The following HMBOX1 variants were observed in gnomAD, a reference collection of about 807,000 sequenced individuals.
HMBOX1 encodes homeobox-containing protein 1.
HMBOX1 carries 14 observed loss-of-function variants against 54.5 expected under a neutral mutation model. That is an observed-to-expected ratio of 0.26 (90% CI 0.17 to 0.40). HMBOX1 has a LOEUF of 0.40. HMBOX1 is among the 10% of genes least tolerant of loss of function. HMBOX1 has a pLI of 1.00. For missense variants in HMBOX1, 332 were observed against 514.4 expected (o/e 0.65, Z 3.43); for synonymous variants, 160 against 181.0 (o/e 0.88, Z 0.93).
chr8:28,987,168 C>T (rs1830286321), intron 4 of HMBOX1, among the ~76,000 whole-genome samples: 1 of 152,092 alleles, frequency 6.6e-6, no homozygotes, highest in African/African-American at 2.4e-5. Context: ...TGATATCCTA[C>T]CACAAGCCCT....
At chr8:28,926,155 A>C (rs1454495021) in intron 1 of HMBOX1, among the ~76,000 whole-genome samples, 10 of 152,074 alleles carry the variant, frequency 6.6e-5, no homozygotes, top group Admixed American at 6.6e-4. Context: ...TGCAAAAACT[A>C]GCCGGGCATG....
intron 1 of HMBOX1, among the ~76,000 whole-genome samples, chr8:28,896,563 AATG>A (rs1812160582): frequency 6.7e-6 from 1 of 149,148 alleles, no homozygotes; most frequent in African/African-American, 2.4e-5. Context: ...TGTAGTACAT[AATG>A]ATGTTTCAGT....
chr8:28,924,130 G>A lies in HMBOX1; in HGVS notation c.-58+33452G>A, dbSNP rs550414666. ...TTTTTTGGTTTTTTTTTTTTGAGAT[G>A]GAGTCTAGCTCTGTCGCCCAGGCTG... is the stretch of plus-strand genomic sequence containing the variant. On this transcript the variant is annotated intron_variant, in intron 1 of 9. Coordinates refer to ENST00000287701, the MANE Select transcript of HMBOX1 (RefSeq NM_001135726.3). 1.1e-4 allele frequency among the ~76,000 whole-genome samples: 16 copies of A among 144,122 alleles called. No individual in the cohort carries two copies. In the South Asian group the frequency reaches 3.1e-3, roughly 28 times the overall value. 94.5% of individuals were successfully genotyped at this position (144,122 alleles called of 152,430 possible).
chr8:29,021,384 C>T (rs1801131200), intron 6 of HMBOX1, among the ~76,000 whole-genome samples: 1 of 151,290 alleles, frequency 6.6e-6, no homozygotes, highest in African/African-American at 2.4e-5. Flanking sequence ...AATATGATTA[C>T]ATAAATTAAA....
chr8:28,958,780 T>G (rs755277115), intron 1 of HMBOX1, among the ~76,000 whole-genome samples: 9 of 152,206 alleles, frequency 5.9e-5, no homozygotes, highest in Non-Finnish European at 1.3e-4. Flanking sequence ...TTTACCAGAG[T>G]GTTTTTTTCT....
At chr8:29,048,126 C>A (rs780440697) in intron 8 of HMBOX1, among the ~76,000 whole-genome samples, 3 of 151,958 alleles carry the variant, frequency 2.0e-5, no homozygotes, top group African/African-American at 7.3e-5. Context: ...TATTACTGGA[C>A]TATGACTTAA....
intron 4 of HMBOX1, among the ~76,000 whole-genome samples, chr8:28,983,726 G>T (rs941559113): frequency 6.6e-6 from 1 of 152,178 alleles, no homozygotes; most frequent in Non-Finnish European, 1.5e-5. Context: ...AATTTGTCCA[G>T]TGTGACTTTC....
chr8:29,042,902 A>G (rs1186040549), intron 6 of HMBOX1, among the ~76,000 whole-genome samples: 1 of 152,220 alleles, frequency 6.6e-6, no homozygotes, highest in Non-Finnish European at 1.5e-5. Context: ...GATAATAAAG[A>G]AAGTGAAGAA....
intron 1 of HMBOX1, among the ~76,000 whole-genome samples, chr8:28,935,042 T>C (rs1190018265): frequency 6.6e-6 from 1 of 151,770 alleles, no homozygotes; most frequent in East Asian, 1.9e-4. Flanking sequence ...CATCAAAAAA[T>C]GAAATACTTA....
At chr8:28,922,579 T>C (rs1466618849) in intron 1 of HMBOX1, among the ~76,000 whole-genome samples, 1 of 152,222 alleles carries the variant, frequency 6.6e-6, no homozygotes, top group East Asian at 1.9e-4. Flanking sequence ...ACCGTTGAAA[T>C]CTAAAAATTA....
rs573413282 is a variant in HMBOX1, at chr8:28,896,461, A to C, written c.-58+5783A>C. On this transcript the variant is annotated intron_variant, in intron 1 of 9. Coordinates refer to ENST00000287701, the MANE Select transcript of HMBOX1 (RefSeq NM_001135726.3). ...AGATTGAATGATTCTCCTCCTCTTC[A>C]TAAGTTCTGTTGTTTTGTCAATATA... 1.6e-5 allele frequency among the ~76,000 whole-genome samples: 2 copies of C among 126,048 alleles called. 1 individual carries two copies. Among genetic ancestry groups the C allele is most frequent in the South Asian group, 4.6e-4 (2 of 4,336 alleles). The allele number at this position is 126,048 out of a possible 152,430, so 82.7% of individuals were successfully genotyped here. A position where few individuals can be genotyped will look rare whatever the true frequency, so the allele number is the denominator to read the frequency against.
chr8:29,020,067 T>G (rs1167506880), intron 6 of HMBOX1, among the ~76,000 whole-genome samples: 1 of 152,220 alleles, frequency 6.6e-6, no homozygotes, highest in Non-Finnish European at 1.5e-5. Context: ...GCTTGAGTCA[T>G]TAAAGTGAAA....
chr8:29,041,430 T>C (rs1470268032), intron 6 of HMBOX1, among the ~76,000 whole-genome samples: 1 of 152,194 alleles, frequency 6.6e-6, no homozygotes, highest in African/African-American at 2.4e-5. Flanking sequence ...TTGTCTATCA[T>C]TATTGGCTCG....
At chr8:29,012,234 A>AT (rs1298728252) in intron 5 of HMBOX1, among the ~76,000 whole-genome samples, 1 of 152,202 alleles carries the variant, frequency 6.6e-6, no homozygotes, top group East Asian at 1.9e-4. Flanking sequence ...ATAACCTTTG[A>AT]TTTTAGCTAA....
rs185756546 is a variant in HMBOX1 at position 28,901,169 on chromosome 8, A to G, written c.-58+10491A>G. Among the ~76,000 whole-genome samples, 4 of 152,208 alleles carry G rather than the reference A, an allele frequency of 2.6e-5. No individual in the cohort carries two copies. The East Asian group carries it at 5.8e-4, about 22-fold the overall frequency. On this transcript the variant is annotated intron_variant, in intron 1 of 9. Coordinates refer to ENST00000287701, the MANE Select transcript of HMBOX1 (RefSeq NM_001135726.3). ...TATTAGTTGTCCTGTTCTTTTTCCTAGGTAATACTCCCCTCCTTAATCTTT... is the reference window on the plus strand; with the variant it reads ...TATTAGTTGTCCTGTTCTTTTTCCTGGGTAATACTCCCCTCCTTAATCTTT...
intron 6 of HMBOX1, among the ~76,000 whole-genome samples, chr8:29,031,237 A>G (rs1802915623): frequency 6.6e-6 from 1 of 152,194 alleles, no homozygotes; most frequent in African/African-American, 2.4e-5. Flanking sequence ...TGGTGGTTAT[A>G]TTTGGATAGG....
chr8:29,037,063 G>A (rs761580001), intron 6 of HMBOX1, among the ~76,000 whole-genome samples: 14 of 152,016 alleles, frequency 9.2e-5, no homozygotes, highest in African/African-American at 2.4e-4. Context: ...CTCTTTTCAC[G>A]GGCTATTCTA....
In HMBOX1 at chr8:29,051,434, A is replaced by G; in HGVS notation, c.*279A>G. ...CTTGCTGCTCCGTCTTAGCATTCCA[A>G]GAAAGTGCTTCCAGGTATTTAGATA... On this transcript the variant is annotated 3_prime_UTR_variant, in exon 10 of 10. Transcript: ENST00000287701. 1.5e-6 allele frequency: 1 copy of G among 679,566 alleles called. No homozygotes were observed. The allele number at this position is 679,566 out of a possible 1,614,324, so 42.1% of individuals were successfully genotyped here.
intron 3 of HMBOX1, among the ~76,000 whole-genome samples, chr8:28,976,787 A>G (rs1301672495): frequency 6.8e-6 from 1 of 148,038 alleles, no homozygotes; most frequent in Non-Finnish European, 1.5e-5. Flanking sequence ...GCTCACTGCA[A>G]CCTCCGCCTC....
Sources: allele counts gnomAD v4.1 joint callset (sites outside exome capture counted in the v4.1 genomes callset), GRCh38; gene constraint gnomAD v4.1.1; transcripts MANE v1.5; gene names NCBI Gene and HGNC (gene_info 2026-07-23, HGNC 2026-07-21).